Variants in SEC14L5 observed in about 807,000 individuals in gnomAD.
SEC14L5 encodes SEC14-like protein 5.
In SEC14L5, 96 loss-of-function variants were observed where a neutral mutation model predicts 84.6. The observed-to-expected ratio is 1.13, with a 90% confidence interval of 0.96 to 1.34. The LOEUF (loss-of-function observed/expected upper bound fraction) is 1.34, where lower values mean the gene tolerates loss of function less well. Among genes scored for constraint, SEC14L5 ranks in the 40% most tolerant of loss-of-function variants. The pLI is 0.00. For synonymous variants in SEC14L5, 546 were observed against 383.4 expected (o/e 1.42, Z -4.95); for missense variants, 1,224 against 942.5 (o/e 1.30, Z -3.91).
intron 13 of SEC14L5, 122 bp downstream of exon 13, chr16:5,007,608 T>TTC (rs1363063868): frequency 3.7e-4 from 81 of 220,820 alleles, no homozygotes; most frequent in African/African-American, 1.3e-3. Flanking sequence ...CTTTCTTTCT[T>TTC]TTTTTTTTTT....
Position 5,003,591 on chromosome 16 carries a change from G to A in SEC14L5, c.1302+18G>A. On this transcript the variant is annotated intron_variant, in intron 11 of 15. Transcript: ENST00000251170. ...GGACACTGGTAAGAGCTGGAGCCTG[G>A]GCCAGGACTCTCCCTGGGGGTGGGT... 1 of 878,824 alleles carries A rather than the reference G, an allele frequency of 1.1e-6. No individual in the cohort carries two copies. Among genetic ancestry groups the A allele is most frequent in the Non-Finnish European group, 1.6e-6 (1 of 624,450 alleles). 54.4% of individuals were successfully genotyped at this position (878,824 alleles called of 1,614,324 possible).
At chr16:4,989,832 T>C (rs1176618442) in intron 4 of SEC14L5, among the ~76,000 whole-genome samples, 1 of 152,028 alleles carries the variant, frequency 6.6e-6, no homozygotes, top group Non-Finnish European at 1.5e-5. Flanking sequence ...GCTTGCGAAA[T>C]GCAGATTCCT....
At chr16:4,975,904 C>T (rs1955333631) in intron 2 of SEC14L5, among the ~76,000 whole-genome samples, 1 of 152,094 alleles carries the variant, frequency 6.6e-6, no homozygotes, top group South Asian at 2.1e-4. Context: ...GAGCATTGGG[C>T]TGGAAGATGT....
At chr16:4,969,256 C>T (rs938515887) in intron 2 of SEC14L5, among the ~76,000 whole-genome samples, 2 of 152,226 alleles carry the variant, frequency 1.3e-5, no homozygotes, top group African/African-American at 4.8e-5. Flanking sequence ...TTTATTTATG[C>T]ATTCATGCAT....
chr16:4,987,227 G>T (rs1955498300), intron 2 of SEC14L5, among the ~76,000 whole-genome samples: 1 of 148,764 alleles, frequency 6.7e-6, no homozygotes, highest in Non-Finnish European at 1.5e-5. Flanking sequence ...ATCATGAAGG[G>T]GTGTTGGATT....
chr16:5,005,208 G>A (rs1955717170), intron 11 of SEC14L5, among the ~76,000 whole-genome samples: 1 of 152,174 alleles, frequency 6.6e-6, no homozygotes, highest in African/African-American at 2.4e-5. Flanking sequence ...CCAGCTACTT[G>A]GGAGGCTGAG....
At chr16:4,981,801 A>G (rs757109884) in intron 2 of SEC14L5, among the ~76,000 whole-genome samples, 4 of 152,194 alleles carry the variant, frequency 2.6e-5, no homozygotes, top group Non-Finnish European at 1.5e-5. Context: ...ACAGGCCCAG[A>G]GAAAGGAAGG....
At chr16:4,972,399 C>G (rs1003223857) in intron 2 of SEC14L5, among the ~76,000 whole-genome samples, 1 of 152,184 alleles carries the variant, frequency 6.6e-6, no homozygotes, top group Admixed American at 6.6e-5. Flanking sequence ...AGTACATTCA[C>G]GTTATTGTGC....
At chr16:4,998,848 C>A (rs1955645099) in intron 8 of SEC14L5, among the ~76,000 whole-genome samples, 1 of 151,096 alleles carries the variant, frequency 6.6e-6, no homozygotes, top group Non-Finnish European at 1.5e-5. Flanking sequence ...AACGATCAAT[C>A]TTCCTAATTT....
intron 2 of SEC14L5, among the ~76,000 whole-genome samples, chr16:4,973,033 C>T (rs771274001): frequency 1.4e-4 from 21 of 152,276 alleles, no homozygotes; most frequent in Middle Eastern, 6.8e-3. Context: ...ATGTCAGGGG[C>T]TGGTGATGCT....
At position 4,996,949 on chromosome 16, in the gene SEC14L5, G is replaced by A. The variant is rs764384236; in HGVS notation, c.875G>A (p.Arg292His). Residue 292 changes from arginine (R) to histidine (H), a missense_variant, in exon 8 of 16, where the codon CGC becomes CAC. Physicochemically the swap from Arg to His is conservative, Grantham distance 29. Transcript: ENST00000251170. The part of the protein sequence containing the change: ...REMLRQSLSW[R>H]KQHQVDLLLQ... ...ATGCTGCGCCAGTCCTTGAGCTGGC[G>A]CAAGCAGCACCAGGTGGATCTCCTC... is the stretch of plus-strand genomic sequence containing the variant. The A allele has an allele frequency of 8.7e-6, 14 of 1,613,580 alleles. No individual in the cohort carries two copies. The South Asian group carries it at 9.9e-5, about 11-fold the overall frequency.
chr16:5,010,826 C>G, intron 14 of SEC14L5: 1 of 464,398 alleles, frequency 2.2e-6, no homozygotes, highest in East Asian at 3.2e-5. Context: ...GTTTAAGCAC[C>G]TCTGTTGTCC....
chr16:4,976,617 G>C (rs1955343763), intron 2 of SEC14L5, among the ~76,000 whole-genome samples: 1 of 152,218 alleles, frequency 6.6e-6, no homozygotes, highest in African/African-American at 2.4e-5. Flanking sequence ...CCCATCTCCA[G>C]ATGCTAATTG....
intron 2 of SEC14L5, among the ~76,000 whole-genome samples, chr16:4,974,832 C>T (rs1015554366): frequency 2.0e-5 from 3 of 152,038 alleles, no homozygotes; most frequent in African/African-American, 7.2e-5. Flanking sequence ...GGCTGGAGTA[C>T]AGTGGTGTGA....
At chr16:4,982,501 A>C (rs1335698273) in intron 2 of SEC14L5, among the ~76,000 whole-genome samples, 3 of 151,998 alleles carry the variant, frequency 2.0e-5, no homozygotes, top group Non-Finnish European at 4.4e-5. Context: ...ACCTTCACCC[A>C]GCTCTACACC....
At chr16:4,973,054 T>C (rs1434372650) in intron 2 of SEC14L5, among the ~76,000 whole-genome samples, 1 of 152,098 alleles carries the variant, frequency 6.6e-6, no homozygotes, top group Non-Finnish European at 1.5e-5. Context: ...ACTTCAGCAG[T>C]TGTGATGTGT....
chr16:5,016,145 C>T lies in SEC14L5; in HGVS notation c.*1175C>T, dbSNP rs915455786. The T allele has an allele frequency of 4.6e-5, 7 of 152,276 alleles. No individual in the cohort carries two copies. The highest frequency in any genetic ancestry group is 3.9e-4 in the East Asian group (2 of 5,178). The allele number at this position is 152,276 out of a possible 1,614,324, so 9.4% of individuals were successfully genotyped here. Reference sequence around the variant, plus strand: ...CTCAACATGGAGTCTCGATTCCCCCCGCGAGTGGAGGCTGCTGTGTTTGCC... The same window carrying T: ...CTCAACATGGAGTCTCGATTCCCCCTGCGAGTGGAGGCTGCTGTGTTTGCC... On this transcript the variant is annotated 3_prime_UTR_variant, in exon 16 of 16. Coordinates refer to ENST00000251170, the MANE Select transcript of SEC14L5 (RefSeq NM_014692.2).
chr16:5,010,090 C>G (rs1378865360), intron 14 of SEC14L5, among the ~76,000 whole-genome samples: 1 of 149,838 alleles, frequency 6.7e-6, no homozygotes, highest in Non-Finnish European at 1.5e-5. Flanking sequence ...TGCCTATAAT[C>G]CCAGCACTCT....
chr16:5,003,060 G>A (rs1029411760), intron 10 of SEC14L5, among the ~76,000 whole-genome samples: 4 of 152,222 alleles, frequency 2.6e-5, no homozygotes, highest in African/African-American at 7.2e-5. Context: ...CATGTGGTGT[G>A]CCCGTCCTTG....
Sources: gnomAD v4.1 joint callset for allele counts (sites outside exome capture counted in the v4.1 genomes callset) on GRCh38, gnomAD v4.1.1 for gene constraint, MANE v1.5 for transcripts, NCBI Gene and HGNC (gene_info 2026-07-23, HGNC 2026-07-21) for gene names.